The following KLF12 variants were observed in gnomAD, a reference collection of about 807,000 sequenced individuals.
KLF12 encodes Krueppel-like factor 12.
Under a neutral mutation model 37.8 loss-of-function variants are expected in KLF12, and 9 were observed. The ratio of observed to expected loss-of-function variants is 0.24; its 90% CI spans 0.14 to 0.42. The LOEUF (loss-of-function observed/expected upper bound fraction) is 0.42. KLF12 is among the 10% of genes least tolerant of loss of function. The pLI is 1.00. For synonymous variants in KLF12, 208 were observed against 202.1 expected (o/e 1.03, Z -0.25); for missense variants, 411 against 516.0 (o/e 0.80, Z 1.97).
the KLF12 span, among the ~76,000 whole-genome samples, chr13:74,153,950 G>A: frequency 5.3e-5 from 8 of 152,206 alleles, no homozygotes; most frequent in Middle Eastern, 3.4e-3. Context: ...TTATTCGGAC[G>A]GGTGTGGTGG....
At chr13:74,137,784 A>C (rs1053086110), upstream of KLF12, among the ~76,000 whole-genome samples, 2 of 151,832 alleles carry the variant, frequency 1.3e-5, no homozygotes, top group African/African-American at 4.8e-5. Flanking sequence ...TTTTGAGACG[A>C]AGTTTCGCTC....
At chr13:73,927,049 T>A (rs1473790202) in intron 3 of KLF12, among the ~76,000 whole-genome samples, 1 of 152,124 alleles carries the variant, frequency 6.6e-6, no homozygotes, top group Admixed American at 6.5e-5. Context: ...GTGTCATGTA[T>A]GAAACTCAAA....
chr13:74,229,408 T>C, the KLF12 span, among the ~76,000 whole-genome samples: 1 of 152,148 alleles, frequency 6.6e-6, no homozygotes, highest in Non-Finnish European at 1.5e-5. Context: ...GGTTCACGAG[T>C]TCTACCTGCA....
rs573242720 is a variant in KLF12 at position 73,784,669 on chromosome 13, TG to T, written c.807-19670del. ...TTTTTGAGAAGGAGTCTCGCTCTGT[TG>T]CCCAGGCTGGAGTGCAGTGGCACGA... On this transcript the variant is annotated intron_variant, in intron 5 of 7. Coordinates refer to ENST00000377669, the MANE Select transcript of KLF12 (RefSeq NM_007249.5). 1.7e-3 allele frequency among the ~76,000 whole-genome samples: 255 copies of T among 150,840 alleles called. 2 individuals carry two copies. Among genetic ancestry groups the T allele is most frequent in the African/African-American group, 5.6e-3 (228 of 41,034 alleles).
chr13:73,825,534 G>T (rs1405789512), intron 4 of KLF12, among the ~76,000 whole-genome samples: 1 of 152,192 alleles, frequency 6.6e-6, no homozygotes, highest in Non-Finnish European at 1.5e-5. Flanking sequence ...GCCCATTTTG[G>T]TTTTGTGAAA....
chr13:74,116,245 A>C (rs766315219), intron 1 of KLF12, among the ~76,000 whole-genome samples: 8 of 152,210 alleles, frequency 5.3e-5, no homozygotes, highest in Non-Finnish European at 1.0e-4. Flanking sequence ...ACAATGCCCA[A>C]TGACAGATCA....
chr13:74,227,139 C>T, the KLF12 span, among the ~76,000 whole-genome samples: 1 of 152,144 alleles, frequency 6.6e-6, no homozygotes, highest in African/African-American at 2.4e-5. Flanking sequence ...GCATCACTTG[C>T]CTTTCCTCAA....
At chr13:73,806,649 C>CAAAAAAAAAAAAAAA (rs11482328) in intron 5 of KLF12, among the ~76,000 whole-genome samples, 1 of 108,318 alleles carries the variant, frequency 9.2e-6, no homozygotes, top group Non-Finnish European at 1.9e-5. Context: ...AAAAAACAAA[C>CAAAAAAAAAAAAAAA]AAAAAAAAAA....
At chr13:73,745,132 T>C (rs1339250763) in intron 6 of KLF12, among the ~76,000 whole-genome samples, 2 of 152,256 alleles carry the variant, frequency 1.3e-5, no homozygotes, top group African/African-American at 4.8e-5. Context: ...TCCGTATTCA[T>C]TGTTTAAGCC....
chr13:74,038,590 C>G (rs1893319314), intron 1 of KLF12, among the ~76,000 whole-genome samples: 1 of 152,000 alleles, frequency 6.6e-6, no homozygotes, highest in Non-Finnish European at 1.5e-5. Flanking sequence ...ATGTATTTGT[C>G]AATCACCATT....
chr13:74,121,792 A>C (rs1486448085), intron 1 of KLF12, among the ~76,000 whole-genome samples: 1 of 152,038 alleles, frequency 6.6e-6, no homozygotes, highest in African/African-American at 2.4e-5. Flanking sequence ...AATACCTAAG[A>C]AAATTTATAA....
chr13:73,962,108 G>A, intron 2 of KLF12: 1 of 431,716 alleles, frequency 2.3e-6, no homozygotes, highest in South Asian at 1.7e-5. Flanking sequence ...ATAAACTGTG[G>A]TACATCCAGA....
the KLF12 span, among the ~76,000 whole-genome samples, chr13:74,274,352 T>C: frequency 1.3e-5 from 2 of 152,300 alleles, no homozygotes; most frequent in East Asian, 1.9e-4. Context: ...AGAAAAATAT[T>C]GCAGTGCTTC....
chr13:73,710,243 G>A (rs1354625838), intron 7 of KLF12, among the ~76,000 whole-genome samples: 2 of 152,148 alleles, frequency 1.3e-5, no homozygotes, highest in Admixed American at 1.3e-4. Context: ...GGATAGACAA[G>A]ATACAGTTGT....
chr13:74,016,550 A>G (rs2138396306), intron 1 of KLF12, among the ~76,000 whole-genome samples: 1 of 152,160 alleles, frequency 6.6e-6, no homozygotes, highest in Admixed American at 6.5e-5. Context: ...TTTGGTAGAG[A>G]CGAGGTCTTA....
intron 5 of KLF12, among the ~76,000 whole-genome samples, chr13:73,775,332 A>G (rs1255775772): frequency 1.3e-5 from 2 of 152,242 alleles, no homozygotes; most frequent in Admixed American, 6.5e-5. Context: ...TGGTAGAAAG[A>G]AAAGAGTAAA....
At chr13:74,231,068 T>G in the KLF12 span, among the ~76,000 whole-genome samples, 1 of 151,746 alleles carries the variant, frequency 6.6e-6, no homozygotes, top group Admixed American at 6.6e-5. Flanking sequence ...GATACAGTAG[T>G]GTATAAACCA....
At chr13:73,783,223 C>T (rs1427970014) in intron 5 of KLF12, among the ~76,000 whole-genome samples, 1 of 151,680 alleles carries the variant, frequency 6.6e-6, no homozygotes, top group Non-Finnish European at 1.5e-5. Context: ...ATAAGCTAAG[C>T]AAAGAAAGAC....
At chr13:73,725,699 T>G (rs745836414) in intron 6 of KLF12, among the ~76,000 whole-genome samples, 4 of 151,918 alleles carry the variant, frequency 2.6e-5, no homozygotes, top group Non-Finnish European at 1.5e-5. Context: ...TTTATAGGAC[T>G]TAACATGCTA....
Sources: allele counts gnomAD v4.1 joint callset (sites outside exome capture counted in the v4.1 genomes callset), GRCh38; gene constraint gnomAD v4.1.1; transcripts MANE v1.5; gene names NCBI Gene and HGNC (gene_info 2026-07-23, HGNC 2026-07-21).